Variants in ANK2 observed in about 807,000 individuals in gnomAD.
The protein encoded by ANK2 is ankyrin 2, also known as ankyrin-2.
ANK2 carries 83 observed loss-of-function variants against 360.5 expected under a neutral mutation model. The ratio of observed to expected loss-of-function variants is 0.23; its 90% confidence interval spans 0.19 to 0.28. The LOEUF (loss-of-function observed/expected upper bound fraction) is 0.28, where lower values mean the gene tolerates loss of function less well. Among genes scored for constraint, ANK2 ranks in the 10% least tolerant of loss-of-function variants. The probability of loss-of-function intolerance (pLI) is 1.00; values close to 1 mark genes in which losing one functional copy is unlikely to be tolerated. For missense variants in ANK2, 4,201 were observed against 4,795.7 expected (o/e 0.88, Z 3.66); for synonymous variants, 1,740 against 1,759.5 (o/e 0.99, Z 0.28).
At chr4:113,368,894 T>G (rs1033002930) in intron 42 of ANK2, among the ~76,000 whole-genome samples, 2 of 152,178 alleles carry the variant, frequency 1.3e-5, no homozygotes, top group Non-Finnish European at 2.9e-5. Context: ...AGTGATAGAT[T>G]GCACTGAATA....
chr4:113,156,794 A>G (rs1430022655), intron 1 of ANK2, among the ~76,000 whole-genome samples: 2 of 143,280 alleles, frequency 1.4e-5, no homozygotes, highest in Non-Finnish European at 3.1e-5. Flanking sequence ...ATATATATAT[A>G]TATTATATAT....
chr4:112,921,880 T>C (rs2151186471), intron 2 of ANK2, among the ~76,000 whole-genome samples: 1 of 152,356 alleles, frequency 6.6e-6, no homozygotes, highest in South Asian at 2.1e-4. Flanking sequence ...AACTGACAAC[T>C]GACAGGTACC....
At chr4:112,900,105 G>T (rs866795863) in intron 1 of ANK2, among the ~76,000 whole-genome samples, 1 of 151,954 alleles carries the variant, frequency 6.6e-6, no homozygotes. Context: ...TTCAAAAATC[G>T]TCATCATTTT....
At chr4:112,740,565 G>A in the ANK2 span, among the ~76,000 whole-genome samples, 18 of 152,054 alleles carry the variant, frequency 1.2e-4, no homozygotes, top group Non-Finnish European at 2.2e-4. Context: ...GTAGCTGGGT[G>A]TGGTGGCACA....
chr4:113,022,897 A>T (rs72896464), intron 2 of ANK2, among the ~76,000 whole-genome samples: 1 of 152,308 alleles, frequency 6.6e-6, no homozygotes, highest in African/African-American at 2.4e-5. Context: ...CTATTATTGA[A>T]GTTTTACAAA....
At chr4:113,284,635 C>A (rs1415381473) in intron 18 of ANK2, among the ~76,000 whole-genome samples, 2 of 152,082 alleles carry the variant, frequency 1.3e-5, no homozygotes, top group Admixed American at 6.5e-5. Flanking sequence ...GAAAAACATT[C>A]AATTTTGAAT....
chr4:112,850,470 G>A (rs1579666310), intron 1 of ANK2, among the ~76,000 whole-genome samples: 1 of 64,608 alleles, frequency 1.5e-5, no homozygotes, highest in Non-Finnish European at 3.0e-5. Context: ...TTTTCATAGT[G>A]CCTCCAGTTT....
At chr4:113,300,621 G>A (rs753997153) in intron 22 of ANK2, among the ~76,000 whole-genome samples, 12 of 152,164 alleles carry the variant, frequency 7.9e-5, no homozygotes, top group Admixed American at 1.3e-4. Flanking sequence ...CATTCACTGG[G>A]GAGGATCAGG....
At chr4:113,123,843 G>T (rs568974800) in intron 1 of ANK2, among the ~76,000 whole-genome samples, 2 of 152,094 alleles carry the variant, frequency 1.3e-5, no homozygotes, top group African/African-American at 4.8e-5. Flanking sequence ...TCAAGCGATC[G>T]TAGATTTACT....
chr4:113,031,138 C>T (rs1190928043), intron 2 of ANK2: 1 of 151,888 alleles, frequency 6.6e-6, no homozygotes, highest in East Asian at 1.9e-4. Context: ...AGTTTTGTGA[C>T]TCTAATTTGA....
At chr4:113,268,479 A>G (rs2057139061) in intron 14 of ANK2, among the ~76,000 whole-genome samples, 1 of 151,806 alleles carries the variant, frequency 6.6e-6, no homozygotes, top group Non-Finnish European at 1.5e-5. Flanking sequence ...GAATTTTATC[A>G]GTTTTTTCTA....
chr4:113,091,583 C>T lies in ANK2; in HGVS notation c.84+41771C>T, dbSNP rs554000932. Among the ~76,000 whole-genome samples the T allele has an allele frequency of 1.2e-4, 18 of 152,318 alleles. No individual in the cohort carries two copies. The South Asian group carries it at 3.7e-3, about 32-fold the overall frequency. The stretch of plus-strand genomic sequence containing the variant: ...AACAGAGAAATGAAATGGATCAGCA[C>T]TACAGAAAATTATCAAAATTAGCTT... On this transcript the variant is annotated intron_variant, in intron 1 of 45. Coordinates refer to ENST00000357077, the MANE Select transcript of ANK2 (RefSeq NM_001148.6).
chr4:113,372,452 C>T, intron 43 of ANK2: 2 of 878,970 alleles, frequency 2.3e-6, no homozygotes, highest in Admixed American at 4.9e-5. Context: ...TTTCACAATA[C>T]AATGTAAGCT....
At chr4:112,760,609 G>A in the ANK2 span, among the ~76,000 whole-genome samples, 1 of 150,420 alleles carries the variant, frequency 6.6e-6, no homozygotes, top group Admixed American at 6.6e-5. Flanking sequence ...TGTTACATAT[G>A]TATACATGTG....
At chr4:112,885,330 C>G (rs1187596917) in intron 1 of ANK2, among the ~76,000 whole-genome samples, 2 of 150,762 alleles carry the variant, frequency 1.3e-5, no homozygotes, top group Non-Finnish European at 2.9e-5. Context: ...GAAACCCTGT[C>G]TCTACTAAAA....
chr4:112,849,510 T>A (rs1249538080), intron 1 of ANK2, among the ~76,000 whole-genome samples: 1 of 152,206 alleles, frequency 6.6e-6, no homozygotes, highest in Admixed American at 6.5e-5. Context: ...CTTTCTGGAT[T>A]TCCATTTCTC....
At chr4:112,786,458 C>T in the ANK2 span, among the ~76,000 whole-genome samples, 396 of 145,582 alleles carry the variant, frequency 2.7e-3, 3 homozygotes, top group East Asian at 9.3e-3. Flanking sequence ...AGTGCAGTAG[C>T]GTGATCTCGG....
the ANK2 span, among the ~76,000 whole-genome samples, chr4:112,799,445 C>A: frequency 1.2e-4 from 19 of 152,114 alleles, no homozygotes; most frequent in African/African-American, 4.3e-4. Flanking sequence ...CAGCAGTTTA[C>A]AAGAGTTCCA....
At chr4:112,936,020 G>A (rs2093687326) in intron 2 of ANK2, among the ~76,000 whole-genome samples, 1 of 152,170 alleles carries the variant, frequency 6.6e-6, no homozygotes, top group African/African-American at 2.4e-5. Context: ...AATCTTTCCT[G>A]GGACAGGTTA....
Sources: allele counts gnomAD v4.1 joint callset (sites outside exome capture counted in the v4.1 genomes callset), GRCh38; gene constraint gnomAD v4.1.1; transcripts MANE v1.5; gene names NCBI Gene and HGNC (gene_info 2026-07-23, HGNC 2026-07-21).